DTX4: variants seen among roughly 807,000 people sequenced by gnomAD.
The protein encoded by DTX4 is E3 ubiquitin-protein ligase DTX4.
DTX4 carries 28 observed loss-of-function variants against 57.6 expected under a neutral mutation model. That is an observed-to-expected ratio of 0.49 (90% CI 0.36 to 0.67). The LOEUF is 0.67. DTX4 is among the 30% of genes least tolerant of loss of function. The probability of loss-of-function intolerance (pLI) is 0.00; values close to 1 mark genes in which losing one functional copy is unlikely to be tolerated. For missense variants in DTX4, 715 were observed against 836.8 expected, an observed-to-expected ratio of 0.85 and a Z score of 1.80; for synonymous variants, 316 against 331.0, an observed-to-expected ratio of 0.95 and a Z score of 0.49.
rs150185345 is a variant in DTX4 at position 59,192,650 on chromosome 11, G to A, written c.1374+400G>A. ...ATGGTGAGTATTCGTTCATACCATT[G>A]TAAATGGGTTTCCCAATCACCCTTT... On this transcript the variant is annotated intron_variant, in intron 6 of 8. Transcript: ENST00000227451. Among the ~76,000 whole-genome samples, 232 of 152,310 alleles carry A rather than the reference G, an allele frequency of 1.5e-3. 1 individual carries two copies. Among genetic ancestry groups the A allele is most frequent in the African/African-American group, 5.2e-3 (217 of 41,566 alleles).
chr11:59,191,188 T>A lies in DTX4; in HGVS notation c.1221+13T>A, dbSNP rs1013706526. Reference sequence around the variant, plus strand: ...CCCACCAGATGAGGTGAGTTCAGGGTTAGAAGAGCGGGATTCACCTCTCCA... The same window carrying A: ...CCCACCAGATGAGGTGAGTTCAGGGATAGAAGAGCGGGATTCACCTCTCCA... On this transcript the variant is annotated intron_variant, in intron 5 of 8. Coordinates refer to ENST00000227451, the MANE Select transcript of DTX4 (RefSeq NM_015177.2). The A allele has an allele frequency of 3.8e-6, 6 of 1,565,102 alleles. No homozygotes were observed. In the Admixed American group the frequency reaches 1.1e-4, roughly 30 times the overall value.
At chr11:59,195,517 G>T (rs1264695455) in intron 7 of DTX4, 148 bp downstream of exon 7, 1 of 880,122 alleles carries the variant, frequency 1.1e-6, no homozygotes. Context: ...TACATCCCCC[G>T]ACTCAACACT....
At position 59,172,767 on chromosome 11, in the gene DTX4, A is replaced by G. The variant is rs768718756; in HGVS notation, c.172A>G (p.Ile58Val). ...GGACAGCCGTCTCGCGCCCTACATC[A>G]TCGACCTGCAGTCCATGAACCAGTT... is the stretch of plus-strand genomic sequence containing the variant. ...QVDSRLAPYI[I>V]DLQSMNQFRQ... The change falls in exon 1 of 9, where the codon ATC (isoleucine) becomes GTC (valine). Residue 58 changes from isoleucine (I) to valine (V), a missense_variant. Transcript: ENST00000227451. 6.3e-6 allele frequency: 10 copies of G among 1,598,328 alleles called. No homozygotes were observed. Among genetic ancestry groups the G allele is most frequent in the Non-Finnish European group, 8.5e-6 (10 of 1,173,906 alleles).
chr11:59,179,315 C>A (rs1862431855), intron 1 of DTX4, among the ~76,000 whole-genome samples: 1 of 152,184 alleles, frequency 6.6e-6, no homozygotes, highest in Admixed American at 6.5e-5. Flanking sequence ...CCAGTGAAAC[C>A]TCACTTTCAA....
intron 8 of DTX4, 126 bp from the exon 9 acceptor site, chr11:59,204,550 T>C (rs987667056): frequency 1.3e-5 from 11 of 854,510 alleles, no homozygotes; most frequent in Admixed American, 4.7e-5. Flanking sequence ...TTCTTTCCCC[T>C]GGGCTGCTTA....
Position 59,182,042 on chromosome 11 carries a change from AG to A in DTX4, c.516del (p.Gln172HisfsTer26). Reference sequence around the variant, plus strand: ...GTCACAGGGACCTTGCCTAAGGCTCAGTCCTGGCCAGTCAGCCCTGGGCCAG... The same window carrying A: ...GTCACAGGGACCTTGCCTAAGGCTCATCCTGGCCAGTCAGCCCTGGGCCAG... ...PMVTGTLPKAQSWPVSPGPAT... is the reference protein window; with the variant it reads ...PMVTGTLPKAXSWPVSPGPAT... On this transcript the variant is annotated frameshift_variant, in exon 2 of 9. Transcript: ENST00000227451. LOFTEE classifies it high-confidence loss of function. 6.2e-7 allele frequency: 1 copy of A among 1,612,750 alleles called. No homozygotes were observed. The highest frequency in any genetic ancestry group is 8.5e-7 in the Non-Finnish European group (1 of 1,179,052).
At position 59,189,293 on chromosome 11, in the gene DTX4, C is replaced by T. The variant is rs776013357; in HGVS notation, c.1129C>T (p.Arg377Cys). ...CATCCCAGGGGTTTCCAACACAAGC[C>T]GCAAGACCACCAAAAAACAAGCCAA... is the stretch of plus-strand genomic sequence containing the variant. ...KSIPGVSNTSRKTTKKQAKKG... is the reference protein window; with the variant it reads ...KSIPGVSNTSCKTTKKQAKKG... Residue 377 changes from arginine (R) to cysteine (C), a missense_variant, in exon 4 of 9, where the codon CGC (arginine) becomes TGC (cysteine). Coordinates refer to ENST00000227451, the MANE Select transcript of DTX4 (RefSeq NM_015177.2). 21 of 1,563,020 alleles carry T rather than the reference C, an allele frequency of 1.3e-5. No individual in the cohort carries two copies. Among genetic ancestry groups the T allele is most frequent in the Middle Eastern group, 1.7e-4 (1 of 6,028 alleles).
rs537613940 is a variant in DTX4 at position 59,202,871 on chromosome 11, G to A, written c.1627-1805G>A. Among the ~76,000 whole-genome samples the A allele has an allele frequency of 3.3e-5, 5 of 152,268 alleles. No individual in the cohort carries two copies. The South Asian group carries it at 8.3e-4, about 25-fold the overall frequency. ...GAGTGTACTTACACAAAACTAGATG[G>A]AATAGCCTATTACACAGCTAGGCAA... On this transcript the variant is annotated intron_variant, in intron 8 of 8. Transcript: ENST00000227451.
intron 7 of DTX4, among the ~76,000 whole-genome samples, chr11:59,197,259 C>G (rs1862683781): frequency 1.3e-5 from 2 of 152,038 alleles, no homozygotes. Flanking sequence ...TTAGAGGAGA[C>G]TTTCTAGTGC....
Position 59,195,199 on chromosome 11 carries a change from G to A in DTX4, c.1375-9G>A. On this transcript the variant is annotated splice_polypyrimidine_tract_variant and intron_variant, in intron 6 of 8. Coordinates refer to ENST00000227451, the MANE Select transcript of DTX4 (RefSeq NM_015177.2). The stretch of plus-strand genomic sequence containing the variant: ...TCCCAATCTGGCTCTTCTGGCCTTG[G>A]CCCCTCAGGATGGAAGTTTGCAGTG... The A allele has an allele frequency of 6.2e-7, 1 of 1,613,866 alleles. No homozygotes were observed. Among genetic ancestry groups the A allele is most frequent in the South Asian group, 1.1e-5 (1 of 91,082 alleles).
chr11:59,172,609 C>T lies in DTX4; in HGVS notation c.14C>T (p.Ser5Leu). MLLA[S>L]AVVVWEWLNE... ...CCCGGGCTCGCCATGCTCCTGGCCT[C>T]GGCCGTGGTGGTCTGGGAATGGCTG... Residue 5 changes from serine (S) to leucine (L), a missense_variant, in exon 1 of 9, where the codon TCG becomes TTG. By Grantham distance (145) the Ser-to-Leu change is moderately radical (BLOSUM62 -2). Transcript: ENST00000227451. 5 of 1,553,640 alleles carry T rather than the reference C, an allele frequency of 3.2e-6. No individual in the cohort carries two copies. Among genetic ancestry groups the T allele is most frequent in the South Asian group, 2.3e-5 (2 of 85,396 alleles).
In DTX4 at chr11:59,206,919, A is replaced by C. The variant is rs1019507362; in HGVS notation, c.*2010A>C. The C allele has an allele frequency of 2.6e-5, 4 of 152,566 alleles. No individual in the cohort carries two copies. The highest frequency in any genetic ancestry group is 4.1e-4 in the South Asian group (2 of 4,830). 9.5% of individuals were successfully genotyped at this position (152,566 alleles called of 1,614,324 possible). A position where few individuals can be genotyped will look rare whatever the true frequency, so the allele number is the denominator to read the frequency against. On this transcript the variant is annotated 3_prime_UTR_variant, in exon 9 of 9. Transcript: ENST00000227451. ...CCAGCAGACCAGGAGACTGGTCCCA[A>C]GGTTACTGCACCACAGGGCAATTTC...
chr11:59,177,277 A>G (rs1862407442), intron 1 of DTX4, among the ~76,000 whole-genome samples: 1 of 152,178 alleles, frequency 6.6e-6, no homozygotes, highest in Non-Finnish European at 1.5e-5. Context: ...GCTGGCCTGT[A>G]GGTCTCAAGG....
intron 1 of DTX4, among the ~76,000 whole-genome samples, chr11:59,173,763 A>G (rs1252715507): frequency 2.0e-5 from 3 of 150,502 alleles, no homozygotes; most frequent in Non-Finnish European, 4.4e-5. Flanking sequence ...GGGAGCCTCC[A>G]GGATGGGGCC....
At chr11:59,189,414 G>C in intron 4 of DTX4, 91 bp downstream of exon 4, 1 of 1,299,396 alleles carries the variant, frequency 7.7e-7, no homozygotes, top group South Asian at 1.5e-5. Context: ...CATAGCCACG[G>C]CTTCACCCTC....
rs746545571 is a variant in DTX4, at chr11:59,182,302, C to T, written c.775C>T (p.Arg259Trp). ...GAAGACCGCCCCATCGCAGGTGATCCGGAGACAAGCCTCCAGCATGCCCAC... is the reference window on the plus strand; with the variant it reads ...GAAGACCGCCCCATCGCAGGTGATCTGGAGACAAGCCTCCAGCATGCCCAC... Reference protein sequence around the residue: ...PLKTAPSQVIRRQASSMPTGT... With the variant: ...PLKTAPSQVIWRQASSMPTGT... Residue 259 changes from arginine (R) to tryptophan (W), a missense_variant, in exon 2 of 9, where the codon CGG (arginine) becomes TGG (tryptophan). Arg to Trp is a moderately radical substitution (Grantham distance 101). Coordinates refer to ENST00000227451, the MANE Select transcript of DTX4 (RefSeq NM_015177.2). The T allele has an allele frequency of 5.4e-5, 87 of 1,612,204 alleles. 1 individual carries two copies. The Middle Eastern group carries it at 2.3e-3, about 43-fold the overall frequency.
At chr11:59,187,762 G>A (rs985932567) in intron 2 of DTX4, among the ~76,000 whole-genome samples, 1 of 152,214 alleles carries the variant, frequency 6.6e-6, no homozygotes, top group Non-Finnish European at 1.5e-5. Flanking sequence ...CCAAGTCAGC[G>A]CTGTGGGAGG....
intron 8 of DTX4, among the ~76,000 whole-genome samples, chr11:59,204,057 AT>A (rs556675155): frequency 4.5e-4 from 68 of 150,264 alleles, no homozygotes; most frequent in African/African-American, 1.4e-3. Flanking sequence ...CTCAACAAAC[AT>A]TTTTTTTTTA....
At chr11:59,174,032 T>G (rs1862363574) in intron 1 of DTX4, among the ~76,000 whole-genome samples, 1 of 151,848 alleles carries the variant, frequency 6.6e-6, no homozygotes, top group Non-Finnish European at 1.5e-5. Context: ...TTGAGCAGAG[T>G]CTCTCTGCTT....
Sources: allele counts gnomAD v4.1 joint callset (sites outside exome capture counted in the v4.1 genomes callset), GRCh38; gene constraint gnomAD v4.1.1; transcripts MANE v1.5; gene names NCBI Gene and HGNC (gene_info 2026-07-23, HGNC 2026-07-21).